Variants in ITGAX observed in about 807,000 individuals in gnomAD.
ITGAX encodes the protein integrin subunit alpha X, also known as integrin alpha-X.
ITGAX carries 99 observed loss-of-function variants against 140.2 expected under a neutral mutation model. The ratio of observed to expected loss-of-function variants is 0.71; its 90% CI spans 0.60 to 0.83. The LOEUF (loss-of-function observed/expected upper bound fraction) is 0.83, where lower values mean the gene tolerates loss of function less well. ITGAX is among the 40% of genes least tolerant of loss of function. ITGAX has a pLI of 0.00. For missense variants in ITGAX, 1,444 were observed against 1,482.0 expected (o/e 0.97, Z 0.42); for synonymous variants, 631 against 600.4 (o/e 1.05, Z -0.75).
intron 3 of ITGAX, 116 bp from the exon 4 acceptor site, chr16:31,356,915 C>A: frequency 2.0e-6 from 2 of 980,712 alleles, no homozygotes; most frequent in Admixed American, 2.5e-5. Flanking sequence ...CAAGACCCGA[C>A]AGCTTCCTTC....
At chr16:31,356,775 C>G in intron 3 of ITGAX, 47 bp downstream of exon 3, 1 of 1,400,780 alleles carries the variant, frequency 7.1e-7, no homozygotes, top group Non-Finnish European at 9.8e-7. Context: ...TCCCAGGCTT[C>G]CCTGCTCCAG....
chr16:31,380,790 A>G (rs2081062160), intron 28 of ITGAX, 107 bp from the exon 29 acceptor site: 1 of 1,273,464 alleles, frequency 7.9e-7, no homozygotes, highest in Non-Finnish European at 1.1e-6. Context: ...CACCTCTTGG[A>G]GCAGGGCCTG....
In ITGAX at chr16:31,362,924, C is replaced by G; in HGVS notation, c.1360-11C>G. 1 of 1,611,550 alleles carries G rather than the reference C, an allele frequency of 6.2e-7. No homozygotes were observed. Among genetic ancestry groups the G allele is most frequent in the Non-Finnish European group, 8.5e-7 (1 of 1,179,654 alleles). ...AGGGACAGGCAGCATGACCCAGGCT[C>G]TGCCCTTCAGATCGGCTCCTACTTC... On this transcript the variant is annotated splice_polypyrimidine_tract_variant and intron_variant, in intron 12 of 29. Coordinates refer to ENST00000268296, the MANE Select transcript of ITGAX (RefSeq NM_000887.5).
intron 14 of ITGAX, among the ~76,000 whole-genome samples, chr16:31,364,750 T>A (rs999885248): frequency 3.3e-5 from 5 of 151,738 alleles, no homozygotes; most frequent in Admixed American, 3.3e-4. Context: ...CAGTGGCTCA[T>A]GCCTGTAACC....
Position 31,373,320 on chromosome 16 carries a change from A to G in ITGAX, c.2438A>G (p.Asp813Gly). 6.2e-7 allele frequency: 1 copy of G among 1,613,360 alleles called. No individual in the cohort carries two copies. The highest frequency in any genetic ancestry group is 8.5e-7 in the Non-Finnish European group (1 of 1,179,848). The change falls in exon 20 of 30, where the codon GAC becomes GGC. Residue 813 changes from aspartate (D) to glycine (G), a missense_variant. By Grantham distance (94) the Asp-to-Gly change is moderately conservative. Transcript: ENST00000268296. Reference sequence around the variant, plus strand: ...GTGATGGTGTGGAATGACGGGGAAGACTCCTACGGAACCACCATCACCTTC... The same window carrying G: ...GTGATGGTGTGGAATGACGGGGAAGGCTCCTACGGAACCACCATCACCTTC... ...AEVMVWNDGE[D>G]SYGTTITFSH... is the part of the protein sequence containing the mutation.
chr16:31,367,232 T>C (rs2080901337), intron 14 of ITGAX, among the ~76,000 whole-genome samples: 1 of 152,178 alleles, frequency 6.6e-6, no homozygotes, highest in Admixed American at 6.5e-5. Flanking sequence ...AACATAAAAG[T>C]ACAAGGTGAA....
intron 20 of ITGAX, among the ~76,000 whole-genome samples, chr16:31,375,457 A>G (rs1350912600): frequency 6.6e-6 from 1 of 152,228 alleles, no homozygotes; most frequent in Admixed American, 6.5e-5. Flanking sequence ...CAGAACCACA[A>G]AGCTTCTATT....
At chr16:31,371,004 C>T in intron 14 of ITGAX, 80 bp from the exon 15 acceptor site, 1 of 1,575,992 alleles carries the variant, frequency 6.3e-7, no homozygotes. Flanking sequence ...GATGGTCCTA[C>T]CTCCATATTC....
chr16:31,371,501 A>G lies in ITGAX; in HGVS notation c.2005+4A>G, dbSNP rs761596860. ...TCTAAGAACCTGCTTGGGAGCCGTG[A>G]GTCCCCTCCCCTCCAACCCAGGACA... On this transcript the variant is annotated splice_donor_region_variant and intron_variant, in intron 16 of 29. Coordinates refer to ENST00000268296, the MANE Select transcript of ITGAX (RefSeq NM_000887.5). The G allele has an allele frequency of 1.2e-6, 2 of 1,613,538 alleles. No individual in the cohort carries two copies. Among genetic ancestry groups the G allele is most frequent in the African/African-American group, 1.3e-5 (1 of 75,022 alleles).
In ITGAX at chr16:31,379,195, C is replaced by T. The variant is rs149314462; in HGVS notation, c.2790-373C>T. Reference sequence around the variant, plus strand: ...TCAGTGGCGTGATCTGGGCTCACTGCAACCTCTGTCCCCTGGGCTCAAACA... The same window carrying T: ...TCAGTGGCGTGATCTGGGCTCACTGTAACCTCTGTCCCCTGGGCTCAAACA... On this transcript the variant is annotated intron_variant, in intron 23 of 29. Coordinates refer to ENST00000268296, the MANE Select transcript of ITGAX (RefSeq NM_000887.5). Among the ~76,000 whole-genome samples the T allele has an allele frequency of 3.7e-3, 559 of 152,168 alleles. 1 individual carries two copies. The highest frequency in any genetic ancestry group is 0.013 in the African/African-American group (521 of 41,512).
chr16:31,381,007 A>T lies in ITGAX; in HGVS notation c.3387A>T (p.Lys1129Asn). ...CACTCATCACAGCGGTACTGTACAA[A>T]GTGAGTGTTTTATGCCACTCTTGAC... ...LLALITAVLYKVGFFKRQYKE... is the reference protein window; with the variant it reads ...LLALITAVLYNVGFFKRQYKE... Residue 1129 changes from lysine (K) to asparagine (N), a missense_variant and splice_region_variant, in exon 29 of 30, where the codon AAA becomes AAT. Coordinates refer to ENST00000268296, the MANE Select transcript of ITGAX (RefSeq NM_000887.5). 1.2e-6 allele frequency: 2 copies of T among 1,612,142 alleles called. No individual in the cohort carries two copies. The highest frequency in any genetic ancestry group is 1.7e-6 in the Non-Finnish European group (2 of 1,178,270).
At chr16:31,361,431 G>A in intron 9 of ITGAX, 1 of 687,676 alleles carries the variant, frequency 1.5e-6, no homozygotes. Flanking sequence ...TCCCCACAGA[G>A]AGTGATCTCA....
At position 31,371,145 on chromosome 16, in the gene ITGAX, G is replaced by A; in HGVS notation, c.1772G>A (p.Gly591Asp). ...LQYFGQALSG[G>D]QDLTQDGLVD... ...TATTTTGGGCAGGCACTGAGCGGGG[G>A]TCAAGACCTCACCCAGGATGGACTG... is the stretch of plus-strand genomic sequence containing the variant. Residue 591 changes from glycine (G) to aspartate (D), a missense_variant, in exon 15 of 30, where the codon GGT becomes GAT. Gly to Asp is a moderately conservative substitution (Grantham distance 94). Transcript: ENST00000268296. 1 of 1,614,018 alleles carries A rather than the reference G, an allele frequency of 6.2e-7. No individual in the cohort carries two copies. The highest frequency in any genetic ancestry group is 2.2e-5 in the East Asian group (1 of 44,870).
chr16:31,370,948 C>T, intron 14 of ITGAX, 136 bp from the exon 15 acceptor site: 1 of 1,066,478 alleles, frequency 9.4e-7, no homozygotes, highest in South Asian at 1.4e-5. Context: ...TTTTCAGGTT[C>T]TTCTTGGTGA....
At chr16:31,366,479 T>C (rs564001856) in intron 14 of ITGAX, among the ~76,000 whole-genome samples, 7 of 152,330 alleles carry the variant, frequency 4.6e-5, no homozygotes, top group African/African-American at 1.7e-4. Context: ...CAATGGTCTT[T>C]AAGTGTTCAA....
chr16:31,361,700 G>T (rs1384646774), intron 9 of ITGAX, 136 bp from the exon 10 acceptor site: 7 of 982,114 alleles, frequency 7.1e-6, no homozygotes, highest in Non-Finnish European at 1.1e-5. Flanking sequence ...GATCTGGAGG[G>T]CAGAGCCTGG....
At position 31,362,951 on chromosome 16, in the gene ITGAX, G is replaced by A. The variant is rs1292634209; in HGVS notation, c.1376G>A (p.Gly459Glu). 6.2e-7 allele frequency: 1 copy of A among 1,611,764 alleles called. No individual in the cohort carries two copies. Among genetic ancestry groups the A allele is most frequent in the Non-Finnish European group, 8.5e-7 (1 of 1,179,768 alleles). The change falls in exon 13 of 30, where the codon GGG (glycine) becomes GAG (glutamate). Residue 459 changes from glycine to glutamate, a missense_variant. Coordinates refer to ENST00000268296, the MANE Select transcript of ITGAX (RefSeq NM_000887.5). The part of the protein sequence containing the change: ...VTGTQIGSYF[G>E]ASLCSVDVDS... ...GCCCTTCAGATCGGCTCCTACTTCG[G>A]GGCCTCCCTCTGCTCCGTGGACGTA...
At position 31,382,228 on chromosome 16, in the gene ITGAX, CTTT is replaced by C; in HGVS notation, c.*334_*336del. ...GGCACGAATGATCTTTCTTTCCTTT[CTTT>C]TTTTTTTTTTTTCTTTTCTTTTTTT... is the stretch of plus-strand genomic sequence containing the variant. On this transcript the variant is annotated 3_prime_UTR_variant, in exon 30 of 30. Transcript: ENST00000268296. 347 of 901,614 alleles carry C rather than the reference CTTT, an allele frequency of 3.8e-4. 1 individual carries two copies. The highest frequency in any genetic ancestry group is 1.0e-3 in the East Asian group (17 of 16,534). 55.9% of individuals were successfully genotyped at this position (901,614 alleles called of 1,614,324 possible). A position where few individuals can be genotyped will look rare whatever the true frequency, so the allele number is the denominator to read the frequency against.
chr16:31,372,914 A>AG, intron 19 of ITGAX, among the ~76,000 whole-genome samples: 1 of 117,624 alleles, frequency 8.5e-6, no homozygotes, highest in Non-Finnish European at 1.7e-5. Flanking sequence ...CCACAAAAAC[A>AG]AAACAACAAC....
Sources: allele counts gnomAD v4.1 joint callset (sites outside exome capture counted in the v4.1 genomes callset), GRCh38; gene constraint gnomAD v4.1.1; transcripts MANE v1.5; gene names NCBI Gene and HGNC (gene_info 2026-07-23, HGNC 2026-07-21).